Variants in COL15A1 observed in about 807,000 individuals in gnomAD.
COL15A1 encodes the protein collagen type XV alpha 1 chain.
Under a neutral mutation model 165.9 loss-of-function variants are expected in COL15A1, and 111 were observed. The observed-to-expected ratio is 0.67, with a 90% confidence interval of 0.57 to 0.78. The LOEUF (loss-of-function observed/expected upper bound fraction) is 0.78. Among genes scored for constraint, COL15A1 ranks in the 30% least tolerant of loss-of-function variants. COL15A1 has a pLI of 0.00. For missense variants in COL15A1, 1,745 were observed against 1,789.7 expected (o/e 0.98, Z 0.45); for synonymous variants, 659 against 674.8 (o/e 0.98, Z 0.36).
At chr9:99,048,098 A>G (rs1839524111) in intron 28 of COL15A1, 98 bp downstream of exon 28, 1 of 758,178 alleles carries the variant, frequency 1.3e-6, no homozygotes, top group Admixed American at 2.0e-5. Flanking sequence ...ATGTTCAGGA[A>G]TGTTGTTCTT....
At chr9:98,982,672 C>T (rs1014898347) in intron 2 of COL15A1, among the ~76,000 whole-genome samples, 1 of 150,878 alleles carries the variant, frequency 6.6e-6, no homozygotes, top group African/African-American at 2.4e-5. Flanking sequence ...GACAGGGTCT[C>T]GCTCTGTCAC....
Position 99,036,469 on chromosome 9 carries a change from G to T in COL15A1, c.2409+73G>T. On this transcript the variant is annotated intron_variant, in intron 21 of 41. Coordinates refer to ENST00000375001, the MANE Select transcript of COL15A1 (RefSeq NM_001855.5). ...CCAAAGGGAGGAGAAGGTTGTCCAT[G>T]ACTTCAAAGCTTCTGGCTATGCAGG... 2.0e-6 allele frequency: 3 copies of T among 1,525,484 alleles called. No individual in the cohort carries two copies. In the South Asian group the frequency reaches 3.5e-5, roughly 18 times the overall value. The allele number at this position is 1,525,484 out of a possible 1,614,324, so 94.5% of individuals were successfully genotyped here. A position where few individuals can be genotyped will look rare whatever the true frequency, so the allele number is the denominator to read the frequency against.
rs1825935607 is a variant in COL15A1 at position 99,068,650 on chromosome 9, C to T, written c.3933C>T (p.Asp1311=). ...HIPIYSFDGR[D]IMTDPSWPQK... is the part of the protein sequence containing the mutation. Reference sequence around the variant, plus strand: ...CAATATACTCCTTTGATGGTCGAGACATAATGACAGATCCTTCTTGGTAAG... The same window carrying T: ...CAATATACTCCTTTGATGGTCGAGATATAATGACAGATCCTTCTTGGTAAG... Residue 1311 remains aspartate, a synonymous_variant, in exon 41 of 42, where the codon GAC becomes GAT. Transcript: ENST00000375001. 6.4e-7 allele frequency: 1 copy of T among 1,560,956 alleles called. No individual in the cohort carries two copies. Among genetic ancestry groups the T allele is most frequent in the African/African-American group, 1.4e-5 (1 of 71,398 alleles).
chr9:99,070,766 TC>T lies in COL15A1; in HGVS notation c.*881del. 3.2e-6 allele frequency: 1 copy of T among 313,124 alleles called. No individual in the cohort carries two copies. 19.4% of individuals were successfully genotyped at this position (313,124 alleles called of 1,614,324 possible). The stretch of plus-strand genomic sequence containing the variant: ...TTCCATGTAAGTGAACATAAAAACA[TC>T]TTTTCCGGGTGCTTTCTTCATTTGA... On this transcript the variant is annotated 3_prime_UTR_variant, in exon 42 of 42. Transcript: ENST00000375001.
intron 2 of COL15A1, among the ~76,000 whole-genome samples, chr9:98,980,648 T>C (rs999429474): frequency 6.6e-6 from 1 of 152,200 alleles, no homozygotes; most frequent in African/African-American, 2.4e-5. Context: ...AAAATCCTAT[T>C]TCATAGAAGG....
intron 2 of COL15A1, among the ~76,000 whole-genome samples, chr9:98,958,746 A>C (rs1837817950): frequency 6.6e-6 from 1 of 152,206 alleles, no homozygotes; most frequent in East Asian, 1.9e-4. Flanking sequence ...GGCGGAGGGA[A>C]GTTCTCTAAG....
intron 6 of COL15A1, among the ~76,000 whole-genome samples, 163 bp downstream of exon 6, chr9:98,997,244 T>C (rs1223045332): frequency 6.6e-6 from 1 of 152,096 alleles, no homozygotes; most frequent in African/African-American, 2.4e-5. Context: ...GAGGAGGAAA[T>C]TGAGCCACAG....
chr9:99,039,429 A>G (rs1839361465), intron 22 of COL15A1, among the ~76,000 whole-genome samples: 1 of 152,234 alleles, frequency 6.6e-6, no homozygotes, highest in African/African-American at 2.4e-5. Context: ...GAATCACTTG[A>G]ACCTGGGAGG....
Position 98,986,105 on chromosome 9 carries a change from G to C in COL15A1, c.641G>C (p.Arg214Thr), listed in dbSNP as rs1435953030. 1.2e-6 allele frequency: 2 copies of C among 1,611,426 alleles called. No homozygotes were observed. Among genetic ancestry groups the C allele is most frequent in the Non-Finnish European group, 1.7e-6 (2 of 1,178,454 alleles). Residue 214 changes from arginine (R) to threonine (T), a missense_variant, in exon 3 of 42, where the codon AGA (arginine) becomes ACA (threonine). Coordinates refer to ENST00000375001, the MANE Select transcript of COL15A1 (RefSeq NM_001855.5). Reference protein sequence around the residue: ...MGNAGATGLERFTGSLQQLTV... With the variant: ...MGNAGATGLETFTGSLQQLTV... ...AATGCAGGAGCTACAGGGCTCGAGA[G>C]ATTCACTGTGAGTTAAAGTCCCACT...
chr9:99,064,184 A>G (rs577989382), intron 39 of COL15A1, among the ~76,000 whole-genome samples: 96 of 152,206 alleles, frequency 6.3e-4, no homozygotes, highest in African/African-American at 2.2e-3. Flanking sequence ...TTCTTGCCCT[A>G]AGTCTGTGTG....
Position 99,056,320 on chromosome 9 carries a change from G to T in COL15A1, c.3253G>T (p.Gly1085Trp). The T allele has an allele frequency of 6.2e-7, 1 of 1,614,072 alleles. No homozygotes were observed. The highest frequency in any genetic ancestry group is 8.5e-7 in the Non-Finnish European group (1 of 1,180,024). The change falls in exon 35 of 42, where the codon GGG (glycine) becomes TGG (tryptophan). Residue 1085 changes from glycine (G) to tryptophan (W), a missense_variant. Coordinates refer to ENST00000375001, the MANE Select transcript of COL15A1 (RefSeq NM_001855.5). ...QGPPGAPGLPGPPGFGRPGDP... is the reference protein window; with the variant it reads ...QGPPGAPGLPWPPGFGRPGDP... The stretch of plus-strand genomic sequence containing the variant: ...ACCCCCAGGTGCTCCTGGTCTGCCT[G>T]GGCCACCTGGCTTTGGAAGACCTGG...
chr9:98,950,662 G>T (rs1444933161), intron 2 of COL15A1, among the ~76,000 whole-genome samples: 2 of 147,664 alleles, frequency 1.4e-5, no homozygotes, highest in Non-Finnish European at 3.0e-5. Context: ...ACCCAGGCTG[G>T]AGTTGGTGGC....
At chr9:99,045,767 T>C (rs1839483210) in intron 26 of COL15A1, among the ~76,000 whole-genome samples, 1 of 152,232 alleles carries the variant, frequency 6.6e-6, no homozygotes, top group Non-Finnish European at 1.5e-5. Context: ...CAGTCTCTTC[T>C]CAGATGAACC....
chr9:98,998,999 G>C (rs937817277), intron 6 of COL15A1, among the ~76,000 whole-genome samples: 1 of 152,212 alleles, frequency 6.6e-6, no homozygotes, highest in African/African-American at 2.4e-5. Flanking sequence ...TTCTTCCCAG[G>C]GGTCAGTCCT....
intron 32 of COL15A1, among the ~76,000 whole-genome samples, 177 bp from the exon 33 acceptor site, chr9:99,054,925 C>G (rs1188673593): frequency 6.6e-6 from 1 of 152,224 alleles, no homozygotes; most frequent in Non-Finnish European, 1.5e-5. Context: ...CCCACAGTGT[C>G]TGGGTTGATG....
chr9:99,061,872 G>T, intron 36 of COL15A1, 99 bp from the exon 37 acceptor site: 1 of 1,296,388 alleles, frequency 7.7e-7, no homozygotes, highest in Admixed American at 2.2e-5. Context: ...TGAGTATCTG[G>T]GGACGGCTCC....
In COL15A1 at chr9:99,034,519, G is replaced by C. The variant is rs1158300207; in HGVS notation, c.2044-30G>C. On this transcript the variant is annotated intron_variant, in intron 16 of 41. Transcript: ENST00000375001. The stretch of plus-strand genomic sequence containing the variant: ...ACACCTCATGACATATGCATTAATT[G>C]GTCCATGTTTTTGTTTTTGTTTTTT... 6 of 1,455,154 alleles carry C rather than the reference G, an allele frequency of 4.1e-6. No homozygotes were observed. In the Admixed American group the frequency reaches 1.1e-4, roughly 25 times the overall value. 90.1% of individuals were successfully genotyped at this position (1,455,154 alleles called of 1,614,324 possible).
chr9:99,042,839 T>C (rs1839432560), intron 24 of COL15A1, among the ~76,000 whole-genome samples: 1 of 152,180 alleles, frequency 6.6e-6, no homozygotes, highest in African/African-American at 2.4e-5. Context: ...AACTTTCCAG[T>C]TGGTTTTTAT....
intron 12 of COL15A1, among the ~76,000 whole-genome samples, chr9:99,020,870 T>C (rs1375175043): frequency 6.6e-6 from 1 of 152,236 alleles, no homozygotes; most frequent in Non-Finnish European, 1.5e-5. Flanking sequence ...TTTGTAGCTG[T>C]GGGATCTCCC....
Sources: allele counts gnomAD v4.1 joint callset (sites outside exome capture counted in the v4.1 genomes callset), GRCh38; gene constraint gnomAD v4.1.1; transcripts MANE v1.5; gene names NCBI Gene and HGNC (gene_info 2026-07-23, HGNC 2026-07-21).